Variants in ERAP1 observed in about 807,000 individuals in gnomAD.
ERAP1 encodes adipocyte-derived leucine aminopeptidase.
Under a neutral mutation model 103.7 loss-of-function variants are expected in ERAP1, and 86 were observed. The ratio of observed to expected loss-of-function variants is 0.83; its 90% CI spans 0.70 to 0.99. The LOEUF (loss-of-function observed/expected upper bound fraction) is 0.99, where lower values mean the gene tolerates loss of function less well. Ranked by LOEUF, ERAP1 falls within the 50% of genes least tolerant of loss-of-function variation. The pLI is 0.00. For synonymous variants in ERAP1, 398 were observed against 402.4 expected, an observed-to-expected ratio of 0.99 and a Z score of 0.13; for missense variants, 1,009 against 1,128.4, an observed-to-expected ratio of 0.89 and a Z score of 1.52.
At chr5:96,896,854 T>C in the ERAP1 span, 1 of 1,008,738 alleles carries the variant, frequency 9.9e-7, no homozygotes, top group East Asian at 5.0e-5. Flanking sequence ...TGTGGAGCAG[T>C]CTGTCAAATG....
At chr5:96,802,622 G>C (rs1778129673) in intron 2 of ERAP1, among the ~76,000 whole-genome samples, 1 of 152,126 alleles carries the variant, frequency 6.6e-6, no homozygotes, top group African/African-American at 2.4e-5. Flanking sequence ...CAGAACCAAA[G>C]CAAGGTGAGA....
At chr5:96,922,070 G>A in the ERAP1 span, among the ~76,000 whole-genome samples, 5 of 151,250 alleles carry the variant, frequency 3.3e-5, no homozygotes, top group African/African-American at 9.7e-5. Context: ...AGGCCGAGGC[G>A]GGCGGATCAC....
chr5:96,797,464 C>T (rs764098696), intron 3 of ERAP1, among the ~76,000 whole-genome samples, 155 bp from the exon 4 acceptor site: 1 of 152,026 alleles, frequency 6.6e-6, no homozygotes, highest in South Asian at 2.1e-4. Flanking sequence ...CAGGAGTTTG[C>T]GACCAGCCTA....
the ERAP1 span, among the ~76,000 whole-genome samples, chr5:96,813,281 C>T: frequency 6.6e-6 from 1 of 152,116 alleles, no homozygotes. Flanking sequence ...TAGGCATAAA[C>T]ATTTTAAAAT....
chr5:96,770,222 G>A (rs25863), downstream of ERAP1: 130,638 of 311,720 alleles, frequency 0.42, 28,714 homozygotes, highest in Middle Eastern at 0.51. Flanking sequence ...CACCCTTGCC[G>A]ACATTTATTA....
At chr5:96,852,464 CT>C in the ERAP1 span, among the ~76,000 whole-genome samples, 1 of 152,112 alleles carries the variant, frequency 6.6e-6, no homozygotes, top group Non-Finnish European at 1.5e-5. Context: ...TTTTACACAT[CT>C]AGGTTTCTAG....
At chr5:96,902,827 G>C in the ERAP1 span, 2 of 155,066 alleles carry the variant, frequency 1.3e-5, no homozygotes, top group African/African-American at 4.8e-5. Flanking sequence ...CAGAGTTGTT[G>C]AGAGAATATT....
the ERAP1 span, among the ~76,000 whole-genome samples, chr5:96,837,822 T>G: frequency 1.3e-5 from 2 of 152,050 alleles, no homozygotes; most frequent in Non-Finnish European, 2.9e-5. Context: ...TTATTGCTGG[T>G]GAAAGTGGCT....
the ERAP1 span, chr5:96,896,895 T>A: frequency 6.5e-7 from 1 of 1,535,284 alleles, no homozygotes; most frequent in South Asian, 1.3e-5. Flanking sequence ...GATAGACTGT[T>A]ATTTAATCTA....
At chr5:96,777,010 T>C (rs560429177) in intron 18 of ERAP1, 16 of 157,696 alleles carry the variant, frequency 1.0e-4, no homozygotes, top group Admixed American at 1.8e-4. Context: ...AGAAACACTG[T>C]GGGGAATGGG....
chr5:96,914,230 C>T, the ERAP1 span, among the ~76,000 whole-genome samples: 1 of 151,942 alleles, frequency 6.6e-6, no homozygotes, highest in East Asian at 1.9e-4. Flanking sequence ...TCATTTATGA[C>T]TTATATGAAA....
the ERAP1 span, chr5:96,909,062 C>T: frequency 1.2e-6 from 2 of 1,614,112 alleles, no homozygotes; most frequent in Non-Finnish European, 1.7e-6. Context: ...TACTTGGAAT[C>T]GTTTTACCAC....
chr5:96,886,679 G>A, the ERAP1 span: 1 of 1,545,984 alleles, frequency 6.5e-7, no homozygotes, highest in South Asian at 1.2e-5. Context: ...ACTTGAAGGA[G>A]GTCTTTTGGA....
chr5:96,789,371 C>T (rs1022547174), intron 10 of ERAP1, among the ~76,000 whole-genome samples: 8 of 151,944 alleles, frequency 5.3e-5, no homozygotes, highest in East Asian at 3.9e-4. Flanking sequence ...CCTGTAATCC[C>T]GGCTACCTGG....
chr5:96,934,926 A>T, the ERAP1 span: 3 of 152,574 alleles, frequency 2.0e-5, no homozygotes, highest in African/African-American at 7.2e-5. Context: ...GGTGGTGGCG[A>T]TGCGCATACC....
At chr5:96,833,395 T>C in the ERAP1 span, among the ~76,000 whole-genome samples, 2 of 152,340 alleles carry the variant, frequency 1.3e-5, no homozygotes, top group East Asian at 3.9e-4. Context: ...AGGTTATTTT[T>C]GGAAATGTAT....
upstream of ERAP1, among the ~76,000 whole-genome samples, chr5:96,809,300 A>G (rs917354286): frequency 6.6e-6 from 1 of 152,184 alleles, no homozygotes; most frequent in Non-Finnish European, 1.5e-5. Context: ...GTAGCCCAGT[A>G]GGTCTCAGCC....
At chr5:96,875,172 A>G in the ERAP1 span, among the ~76,000 whole-genome samples, 1 of 152,200 alleles carries the variant, frequency 6.6e-6, no homozygotes, top group South Asian at 2.1e-4. Flanking sequence ...ATTGTGAGGA[A>G]GGATGAGGAC....
At chr5:96,887,100 T>TATATATATAC in the ERAP1 span, among the ~76,000 whole-genome samples, 75 of 137,430 alleles carry the variant, frequency 5.5e-4, no homozygotes, top group Admixed American at 1.3e-3. Context: ...TATATATATA[T>TATATATATAC]ACACACACAC....
Sources: allele counts gnomAD v4.1 joint callset (sites outside exome capture counted in the v4.1 genomes callset), GRCh38; gene constraint gnomAD v4.1.1; transcripts MANE v1.5; gene names NCBI Gene and HGNC (gene_info 2026-07-23, HGNC 2026-07-21).